The following KCNT2 variants were observed in gnomAD, a reference collection of about 807,000 sequenced individuals.
KCNT2 encodes potassium channel subfamily T member 2.
KCNT2 carries 67 observed loss-of-function variants against 153.8 expected under a neutral mutation model. The ratio of observed to expected loss-of-function variants is 0.44; its 90% CI spans 0.36 to 0.53. KCNT2 has a LOEUF of 0.53. Ranked by LOEUF, KCNT2 falls within the 20% of genes least tolerant of loss-of-function variation. The probability of loss-of-function intolerance (pLI) is 0.00; values close to 1 mark genes in which losing one functional copy is unlikely to be tolerated. For missense variants in KCNT2, 975 were observed against 1,354.8 expected (o/e 0.72, Z 4.40); for synonymous variants, 500 against 458.8 (o/e 1.09, Z -1.15).
chr1:196,232,837 A>T (rs974188057), intron 27 of KCNT2, among the ~76,000 whole-genome samples: 1 of 151,464 alleles, frequency 6.6e-6, no homozygotes, highest in Non-Finnish European at 1.5e-5. Flanking sequence ...ATTCTGTCAA[A>T]AATAATTATG....
At chr1:196,474,962 A>C (rs1678403013) in intron 5 of KCNT2, among the ~76,000 whole-genome samples, 2 of 152,174 alleles carry the variant, frequency 1.3e-5, no homozygotes, top group Admixed American at 6.5e-5. Context: ...AGTTCTAGGT[A>C]ATTTCGCTTT....
rs916149519 is a variant in KCNT2 at position 196,257,768 on chromosome 1, A to C, written c.3211+426T>G. The C allele has an allele frequency of 6.1e-6, 6 of 983,848 alleles. No homozygotes were observed. The African/African-American group carries it at 1.0e-4, about 17-fold the overall frequency. 60.9% of individuals were successfully genotyped at this position (983,848 alleles called of 1,614,324 possible). The stretch of plus-strand genomic sequence containing the variant: ...GTTTCTAAACCACATACACTAAACA[A>C]ATTTTATAAGAACATTTTGGTTTAC... On this transcript the variant is annotated intron_variant, in intron 26 of 27. Coordinates refer to ENST00000294725, the MANE Select transcript of KCNT2 (RefSeq NM_198503.5).
chr1:196,525,895 G>A, intron 1 of KCNT2, among the ~76,000 whole-genome samples: 1 of 151,884 alleles, frequency 6.6e-6, no homozygotes, highest in Non-Finnish European at 1.5e-5. Flanking sequence ...ACAAGGTTAT[G>A]TATTGAACAC....
intron 26 of KCNT2, among the ~76,000 whole-genome samples, chr1:196,244,588 G>C (rs572285128): frequency 6.6e-6 from 1 of 152,248 alleles, no homozygotes; most frequent in African/African-American, 2.4e-5. Flanking sequence ...CTGGAGTGGT[G>C]GTGGCCACAG....
chr1:196,279,717 T>A (rs965484224), intron 25 of KCNT2, among the ~76,000 whole-genome samples: 1 of 151,848 alleles, frequency 6.6e-6, no homozygotes, highest in African/African-American at 2.4e-5. Flanking sequence ...TGTGAGCCAC[T>A]GTGCCAGGCC....
chr1:196,419,124 A>C lies in KCNT2; in HGVS notation c.1185+3926T>G, dbSNP rs187702404. Among the ~76,000 whole-genome samples the C allele has an allele frequency of 5.9e-5, 9 of 152,092 alleles. No individual in the cohort carries two copies. In the East Asian group the frequency reaches 1.7e-3, roughly 29 times the overall value. On this transcript the variant is annotated intron_variant, in intron 12 of 27. Coordinates refer to ENST00000294725, the MANE Select transcript of KCNT2 (RefSeq NM_198503.5). ...GTGCATTCTTTAAAATCTTTAGTTT[A>C]TATAAATAACTTCTTTCTACTTTCT...
chr1:196,400,437 T>C (rs1214533009), intron 12 of KCNT2, among the ~76,000 whole-genome samples: 1 of 151,756 alleles, frequency 6.6e-6, no homozygotes, highest in African/African-American at 2.4e-5. Context: ...CTTGGACAAG[T>C]TAAATTTCCT....
At chr1:196,491,483 AT>A (rs1679855191) in intron 2 of KCNT2, among the ~76,000 whole-genome samples, 1 of 152,006 alleles carries the variant, frequency 6.6e-6, no homozygotes, top group South Asian at 2.1e-4. Flanking sequence ...ACAGAGCTTA[AT>A]GTCTACACCA....
chr1:196,349,339 G>A (rs1265904477), intron 14 of KCNT2, among the ~76,000 whole-genome samples: 1 of 151,994 alleles, frequency 6.6e-6, no homozygotes, highest in Non-Finnish European at 1.5e-5. Flanking sequence ...TCACATTGGA[G>A]CTCCATTTAA....
intron 25 of KCNT2, among the ~76,000 whole-genome samples, chr1:196,277,140 C>T (rs1658645412): frequency 6.6e-6 from 1 of 152,012 alleles, no homozygotes; most frequent in Non-Finnish European, 1.5e-5. Flanking sequence ...ACTCATTGTC[C>T]ATGTTTTGAA....
At chr1:196,466,472 C>A (rs555087872) in intron 7 of KCNT2, among the ~76,000 whole-genome samples, 67 of 151,914 alleles carry the variant, frequency 4.4e-4, no homozygotes, top group East Asian at 2.9e-3. Context: ...TCCTTTAGGC[C>A]AAAACTTTAG....
chr1:196,358,424 C>T (rs574525486), intron 14 of KCNT2, among the ~76,000 whole-genome samples: 24 of 151,744 alleles, frequency 1.6e-4, no homozygotes, highest in African/African-American at 5.8e-4. Context: ...AAAATCAGCA[C>T]CTCCAGAATC....
intron 7 of KCNT2, 127 bp from the exon 8 acceptor site, chr1:196,465,514 G>A: frequency 1.6e-6 from 1 of 623,074 alleles, no homozygotes; most frequent in South Asian, 1.9e-5. Flanking sequence ...GTAAATACAT[G>A]TATTTCAAAT....
intron 1 of KCNT2, among the ~76,000 whole-genome samples, chr1:196,556,245 A>G (rs1658642052): frequency 6.6e-6 from 1 of 151,436 alleles, no homozygotes; most frequent in Admixed American, 6.6e-5. Flanking sequence ...ATTTCCAAAT[A>G]CCCATTTCAC....
chr1:196,360,679 G>A (rs111591957), intron 14 of KCNT2, among the ~76,000 whole-genome samples: 19 of 152,008 alleles, frequency 1.2e-4, no homozygotes, highest in African/African-American at 2.9e-4. Flanking sequence ...GAATGTGGGC[G>A]CAACAGAGGA....
At chr1:196,313,996 G>T (rs547114436) in intron 21 of KCNT2, among the ~76,000 whole-genome samples, 1 of 151,428 alleles carries the variant, frequency 6.6e-6, no homozygotes, top group South Asian at 2.1e-4. Context: ...CTTCAGCTAG[G>T]TACTCAGAGT....
chr1:196,272,651 C>T (rs189723800), intron 25 of KCNT2, among the ~76,000 whole-genome samples: 8 of 151,964 alleles, frequency 5.3e-5, no homozygotes, highest in South Asian at 2.1e-4. Flanking sequence ...CCACAGGAAG[C>T]GATTAACGCC....
chr1:196,493,986 C>CCACTAAAA (rs1217373967), intron 1 of KCNT2, among the ~76,000 whole-genome samples: 1 of 152,134 alleles, frequency 6.6e-6, no homozygotes, highest in African/African-American at 2.4e-5. Context: ...TCTAAAGAAG[C>CCACTAAAA]CACTAAAATG....
intron 1 of KCNT2, among the ~76,000 whole-genome samples, chr1:196,576,727 G>A (rs61819887): frequency 0.037 from 5,676 of 152,058 alleles, 130 homozygotes; most frequent in Non-Finnish European, 0.06. Flanking sequence ...AAATATGTAT[G>A]TTTATAGTAT....
Sources: gnomAD v4.1 joint callset for allele counts (sites outside exome capture counted in the v4.1 genomes callset) on GRCh38, gnomAD v4.1.1 for gene constraint, MANE v1.5 for transcripts, NCBI Gene and HGNC (gene_info 2026-07-23, HGNC 2026-07-21) for gene names.